Variants in SVEP1 observed in about 807,000 individuals in gnomAD.
The protein encoded by SVEP1 is sushi, von Willebrand factor type A, EGF and pentraxin domain-containing protein 1.
In SVEP1, 164 loss-of-function variants were observed where a neutral mutation model predicts 367.3. The observed-to-expected ratio is 0.45, with a 90% CI of 0.39 to 0.51. The LOEUF is 0.51. Among genes scored for constraint, SVEP1 ranks in the 20% least tolerant of loss-of-function variants. The pLI is 0.00. For synonymous variants in SVEP1, 1,666 were observed against 1,611.6 expected (o/e 1.03, Z -0.81); for missense variants, 4,117 against 4,425.3 (o/e 0.93, Z 1.98).
intron 24 of SVEP1, among the ~76,000 whole-genome samples, chr9:110,447,350 G>A (rs972717584): frequency 1.3e-5 from 2 of 152,190 alleles, no homozygotes; most frequent in Non-Finnish European, 2.9e-5. Flanking sequence ...AGAAAAATAT[G>A]AAAAGTTCAA....
intron 3 of SVEP1, among the ~76,000 whole-genome samples, chr9:110,522,827 G>A (rs566285044): frequency 3.2e-4 from 48 of 152,116 alleles, no homozygotes; most frequent in African/African-American, 8.9e-4. Context: ...GTCTGTAGTC[G>A]TTTGGAAATA....
chr9:110,450,333 T>C (rs1345504451), intron 23 of SVEP1, 73 bp from the exon 24 acceptor site: 1 of 1,457,270 alleles, frequency 6.9e-7, no homozygotes, highest in Non-Finnish European at 9.5e-7. Context: ...AAGTGTTGAC[T>C]CCCTGGAGGA....
At chr9:110,560,305 G>A (rs1376906876) in intron 1 of SVEP1, among the ~76,000 whole-genome samples, 1 of 152,110 alleles carries the variant, frequency 6.6e-6, no homozygotes, top group Non-Finnish European at 1.5e-5. Flanking sequence ...TACAGTCTGT[G>A]ATATTCACAC....
intron 1 of SVEP1, among the ~76,000 whole-genome samples, chr9:110,554,727 C>CATGT (rs1830334487): frequency 6.7e-6 from 1 of 148,566 alleles, no homozygotes; most frequent in Admixed American, 6.7e-5. Flanking sequence ...TATAGATGTG[C>CATGT]GTGTGTGTGT....
At chr9:110,443,520 T>C (rs1213349528) in intron 27 of SVEP1, 25 bp downstream of exon 27, 2 of 1,570,000 alleles carry the variant, frequency 1.3e-6, no homozygotes, top group Non-Finnish European at 1.7e-6. Context: ...TCCAACAGAA[T>C]TATACTCATT....
intron 46 of SVEP1, among the ~76,000 whole-genome samples, chr9:110,372,207 G>A (rs186928615): frequency 6.4e-4 from 97 of 152,272 alleles, no homozygotes; most frequent in African/African-American, 2.0e-3. Context: ...TGCTTCAGTA[G>A]CTTTTTCTGA....
chr9:110,482,654 G>T (rs575892173), intron 10 of SVEP1, among the ~76,000 whole-genome samples, 162 bp from the exon 11 acceptor site: 1 of 152,136 alleles, frequency 6.6e-6, no homozygotes, highest in East Asian at 1.9e-4. Context: ...AGTCTCCCAA[G>T]TAGCTGGGAT....
intron 13 of SVEP1, among the ~76,000 whole-genome samples, chr9:110,478,645 G>T (rs1003621479): frequency 3.3e-5 from 5 of 152,156 alleles, no homozygotes; most frequent in African/African-American, 7.2e-5. Flanking sequence ...TTCTTGGTTT[G>T]CTAGTAACAG....
At chr9:110,550,984 C>G (rs967388326) in intron 1 of SVEP1, among the ~76,000 whole-genome samples, 13 of 152,282 alleles carry the variant, frequency 8.5e-5, no homozygotes, top group African/African-American at 2.9e-4. Context: ...CTTTTCACTA[C>G]AGATGAGTAG....
chr9:110,396,249 C>G (rs1271248294), intron 40 of SVEP1, among the ~76,000 whole-genome samples: 1 of 151,288 alleles, frequency 6.6e-6, no homozygotes, highest in Non-Finnish European at 1.5e-5. Flanking sequence ...TGAATGACTA[C>G]TGGGTACATA....
rs1226319947 is a variant in SVEP1 at position 110,408,147 on chromosome 9, G to A, written c.7453C>T (p.His2485Tyr). ...CATGTTGGTTTTCCTCCAAGCCAGT[G>A]ACCATTTTCTCCACAAAGGGTGGTA... ...NTTTLCGENG[H>Y]WLGGKPTCKA... is the part of the protein sequence containing the mutation. Residue 2485 changes from histidine (H) to tyrosine (Y), a missense_variant, in exon 38 of 48, where the codon CAC becomes TAC. His to Tyr is a moderately conservative substitution (Grantham distance 83). Around this residue, in one of 4 missense-constraint regions of SVEP1, gnomAD observed 1,765 missense variants for 1,781.1 expected, o/e 0.99. Coordinates refer to ENST00000374469, the MANE Select transcript of SVEP1 (RefSeq NM_153366.4). 1 of 1,613,852 alleles carries A rather than the reference G, an allele frequency of 6.2e-7. No individual in the cohort carries two copies. The highest frequency in any genetic ancestry group is 2.2e-5 in the East Asian group (1 of 44,880).
intron 11 of SVEP1, 78 bp downstream of exon 11, chr9:110,482,283 C>G (rs1829203612): frequency 7.0e-7 from 1 of 1,433,018 alleles, no homozygotes; most frequent in East Asian, 2.4e-5. Flanking sequence ...AGCCTATTTT[C>G]TTTCATAAAA....
At chr9:110,524,603 C>A (rs1829918454) in intron 3 of SVEP1, among the ~76,000 whole-genome samples, 1 of 151,768 alleles carries the variant, frequency 6.6e-6, no homozygotes, top group Non-Finnish European at 1.5e-5. Context: ...TATCTGCAAA[C>A]AAAATTGTCA....
chr9:110,499,117 T>A lies in SVEP1; in HGVS notation c.1605A>T (p.Leu535Phe). Reference protein sequence around the residue: ...CYVSCRQGFILSGVKEMLRCT... With the variant: ...CYVSCRQGFIFSGVKEMLRCT... Reference sequence around the variant, plus strand: ...ATCTCAGCATTTCTTTGACTCCAGATAAAATGAACCCTTGGCGGCAACTTA... The same window carrying A: ...ATCTCAGCATTTCTTTGACTCCAGAAAAAATGAACCCTTGGCGGCAACTTA... Residue 535 changes from leucine to phenylalanine, a missense_variant, in exon 7 of 48, where the codon TTA becomes TTT. Around this residue, in one of 4 missense-constraint regions of SVEP1, gnomAD observed 2,174 missense variants for 2,494.3 expected, o/e 0.87. Transcript: ENST00000374469. The A allele has an allele frequency of 6.2e-7, 1 of 1,613,814 alleles. No homozygotes were observed. Among genetic ancestry groups the A allele is most frequent in the South Asian group, 1.1e-5 (1 of 91,062 alleles).
rs1827630155 is a variant in SVEP1, at chr9:110,390,324, C to CACA, written c.9823-738_9823-737insTGT. On this transcript the variant is annotated intron_variant, in intron 40 of 47. Transcript: ENST00000374469. ...ACTTATATAAGTATGTGTATATATA[C>CACA]TTATATATACACATACTTATATACA... is the stretch of plus-strand genomic sequence containing the variant. Among the ~76,000 whole-genome samples, 8 of 70,218 alleles carry CACA rather than the reference C, an allele frequency of 1.1e-4. 2 individuals are homozygous for CACA. The highest frequency in any genetic ancestry group is 4.4e-4 in the African/African-American group (8 of 18,296). The allele number at this position is 70,218 out of a possible 152,430, so 46.1% of individuals were successfully genotyped here. A position where few individuals can be genotyped will look rare whatever the true frequency, so the allele number is the denominator to read the frequency against.
At chr9:110,468,019 A>AGCTT (rs142071663) in intron 17 of SVEP1, among the ~76,000 whole-genome samples, 3 of 36,846 alleles carry the variant, frequency 8.1e-5, no homozygotes, top group African/African-American at 1.2e-4. Flanking sequence ...CATGATTGGA[A>AGCTT]GCTAAGGCCA....
chr9:110,393,968 G>A (rs1260193498), intron 40 of SVEP1, among the ~76,000 whole-genome samples: 1 of 152,166 alleles, frequency 6.6e-6, no homozygotes, highest in Non-Finnish European at 1.5e-5. Context: ...CAGTAACTCT[G>A]AAGACTTAAA....
chr9:110,379,828 A>G (rs557392087), intron 43 of SVEP1, among the ~76,000 whole-genome samples: 2 of 152,340 alleles, frequency 1.3e-5, no homozygotes, highest in East Asian at 3.9e-4. Context: ...GCTGCAAGAG[A>G]CTTTCAAAAC....
At chr9:110,510,554 C>A (rs574910680) in intron 5 of SVEP1, among the ~76,000 whole-genome samples, 7 of 152,160 alleles carry the variant, frequency 4.6e-5, no homozygotes, top group Non-Finnish European at 7.4e-5. Flanking sequence ...AAAGGCAGAG[C>A]CAGGCTGTGG....
Sources: gnomAD v4.1 joint callset for allele counts (sites outside exome capture counted in the v4.1 genomes callset) on GRCh38, gnomAD v4.1.1 for gene constraint, gnomAD v4.1.1 regional missense constraint, MANE v1.5 for transcripts, NCBI Gene and HGNC (gene_info 2026-07-23, HGNC 2026-07-21) for gene names.